The following TXNL4A variants were observed in gnomAD, a reference collection of about 807,000 sequenced individuals.
TXNL4A encodes thioredoxin like 4A, also known as thioredoxin-like protein 4A.
TXNL4A carries 17 observed loss-of-function variants against 14.6 expected under a neutral mutation model. That is an observed-to-expected ratio of 1.16 (90% CI 0.80 to 1.74). The LOEUF (loss-of-function observed/expected upper bound fraction) is 1.74, where lower values mean the gene tolerates loss of function less well. Ranked by LOEUF, TXNL4A falls within the 40% of genes most tolerant of loss-of-function variation. The pLI, the probability that TXNL4A is intolerant of heterozygous loss-of-function variation, is 0.00. For missense variants in TXNL4A, 74 were observed against 195.2 expected (o/e 0.38, Z 3.70); for synonymous variants, 83 against 70.6 (o/e 1.18, Z -0.88).
At chr18:80,025,977 G>C (rs970346821) in intron 1 of TXNL4A, among the ~76,000 whole-genome samples, 1 of 152,194 alleles carries the variant, frequency 6.6e-6, no homozygotes, top group East Asian at 1.9e-4. Flanking sequence ...CAGCAATGCT[G>C]CCAGAACCCA....
At chr18:79,990,549 T>C (rs1419783168), upstream of TXNL4A, among the ~76,000 whole-genome samples, 1 of 152,214 alleles carries the variant, frequency 6.6e-6, no homozygotes, top group Non-Finnish European at 1.5e-5. Flanking sequence ...TATTGCCTTC[T>C]AAAAAATTCC....
intron 1 of TXNL4A, among the ~76,000 whole-genome samples, chr18:79,999,488 A>C (rs1019695394): frequency 6.7e-6 from 1 of 148,754 alleles, no homozygotes; most frequent in East Asian, 2.0e-4. Flanking sequence ...GTGAGCCAAG[A>C]CTGCGCCACT....
At chr18:80,030,797 T>A (rs1189130609) in intron 1 of TXNL4A, among the ~76,000 whole-genome samples, 1 of 152,046 alleles carries the variant, frequency 6.6e-6, no homozygotes, top group Non-Finnish European at 1.5e-5. Context: ...TGAAACCCTG[T>A]CTCTACTAAA....
Position 79,982,130 on chromosome 18 carries a change from A to G in TXNL4A, c.154-4429T>C, listed in dbSNP as rs753432062. 1.3e-5 allele frequency among the ~76,000 whole-genome samples: 2 copies of G among 152,146 alleles called. No homozygotes were observed. Among genetic ancestry groups the G allele is most frequent in the Non-Finnish European group, 2.9e-5 (2 of 68,028 alleles). ...CAGTGTGGTCACGGGGTGGCAGGGA[A>G]ATATCTGTCCTTAGAGAATTCCATG... On this transcript the variant is annotated intron_variant, in intron 1 of 2. Transcript: ENST00000269601. This position sits in a 1 kb window ranked among gnomAD's most constrained non-coding sequence, Gnocchi z 4.0.
At chr18:80,002,725 T>G (rs1480322765) in intron 1 of TXNL4A, among the ~76,000 whole-genome samples, 2 of 152,210 alleles carry the variant, frequency 1.3e-5, no homozygotes, top group East Asian at 3.8e-4. Context: ...TTCCACCCCC[T>G]AATTAGAAGA....
intron 2 of TXNL4A, chr18:79,977,227 G>A: frequency 3.4e-6 from 1 of 297,970 alleles, no homozygotes; most frequent in South Asian, 4.0e-5. Context: ...AAAGTGCTGG[G>A]ATTACAGGCG....
intron 1 of TXNL4A, among the ~76,000 whole-genome samples, chr18:79,994,693 C>G (rs1344137130): frequency 6.6e-6 from 1 of 152,112 alleles, no homozygotes; most frequent in African/African-American, 2.4e-5. Flanking sequence ...ACAAACAACT[C>G]AGAACTGCCA....
chr18:79,980,758 C>G (rs983621380), intron 1 of TXNL4A, among the ~76,000 whole-genome samples: 5 of 152,104 alleles, frequency 3.3e-5, no homozygotes, highest in South Asian at 2.1e-4. Flanking sequence ...AAGGTGAGCA[C>G]ACGGCCCACT....
intron 1 of TXNL4A, among the ~76,000 whole-genome samples, chr18:79,999,834 G>A (rs2051687701): frequency 6.6e-6 from 1 of 152,166 alleles, no homozygotes; most frequent in Non-Finnish European, 1.5e-5. Flanking sequence ...TGAATCACGG[G>A]GGCAGTTTCC....
exon 1 of TXNL4A, chr18:80,033,903 C>T (rs1354381876): frequency 6.6e-6 from 1 of 150,720 alleles, no homozygotes; most frequent in African/African-American, 2.5e-5. Flanking sequence ...CTGGTAGTCG[C>T]CCACCTCGCG....
chr18:79,984,133 A>G (rs181954028), intron 1 of TXNL4A, among the ~76,000 whole-genome samples: 22 of 152,152 alleles, frequency 1.4e-4, no homozygotes, highest in Admixed American at 1.0e-3. Context: ...CACCAAAAAT[A>G]TCCATTCTGT....
rs1296831729 is a variant in TXNL4A, at chr18:79,982,781, C to A, written c.154-5080G>T. ...GATAGGAGAGGCTGAAAGAGGCAGG[C>A]AGAGGGGAGCTCCCCAGCCTCCCAC... is the stretch of plus-strand genomic sequence containing the variant. On this transcript the variant is annotated intron_variant, in intron 1 of 2. Coordinates refer to ENST00000269601, the MANE Select transcript of TXNL4A (RefSeq NM_006701.5). This position sits in a 1 kb window ranked among gnomAD's most constrained non-coding sequence, Gnocchi z 4.0. 6.6e-6 allele frequency among the ~76,000 whole-genome samples: 1 copy of A among 152,022 alleles called. No individual in the cohort carries two copies. The highest frequency in any genetic ancestry group is 1.5e-5 in the Non-Finnish European group (1 of 67,990).
intron 1 of TXNL4A, among the ~76,000 whole-genome samples, chr18:80,016,208 T>A (rs2051808299): frequency 6.6e-6 from 1 of 151,768 alleles, no homozygotes; most frequent in Admixed American, 6.5e-5. Flanking sequence ...TTGATGGGGT[T>A]GTTTGTTTTT....
chr18:79,986,186 C>T (rs572866244), intron 1 of TXNL4A, among the ~76,000 whole-genome samples: 3 of 152,004 alleles, frequency 2.0e-5, no homozygotes, highest in Non-Finnish European at 4.4e-5. Context: ...ACTACAGGCA[C>T]GTGCCACCAC....
Position 79,973,993 on chromosome 18 carries a change from T to C in TXNL4A, c.258-137A>G. ...AAGAACGCATAAAATCGAGAGTGTA[T>C]GCCATGATGCAGGAGAATACAGGAA... On this transcript the variant is annotated intron_variant, in intron 2 of 2. Transcript: ENST00000269601. 4 of 1,173,436 alleles carry C rather than the reference T, an allele frequency of 3.4e-6. No individual in the cohort carries two copies. In the South Asian group the frequency reaches 6.0e-5, roughly 18 times the overall value. The allele number at this position is 1,173,436 out of a possible 1,614,324, so 72.7% of individuals were successfully genotyped here.
intron 2 of TXNL4A, among the ~76,000 whole-genome samples, chr18:79,977,045 C>T (rs1013228833): frequency 6.6e-6 from 1 of 152,106 alleles, no homozygotes; most frequent in Non-Finnish European, 1.5e-5. Context: ...ACTGCAACCT[C>T]CACCTCCTGG....
At chr18:80,033,681 T>A (rs940434376) in intron 1 of TXNL4A, among the ~76,000 whole-genome samples, 4 of 152,186 alleles carry the variant, frequency 2.6e-5, no homozygotes, top group Non-Finnish European at 5.9e-5. Context: ...AAACAAAACG[T>A]GTTCCTAGCT....
At chr18:80,022,390 C>T (rs56173074) in intron 1 of TXNL4A, among the ~76,000 whole-genome samples, 36,946 of 152,180 alleles carry the variant, frequency 0.24, 5,816 homozygotes, top group Non-Finnish European at 0.35. Flanking sequence ...CTGTACAATG[C>T]TTACAAAGAT....
chr18:79,994,706 C>T (rs1038321735), intron 1 of TXNL4A, among the ~76,000 whole-genome samples: 30 of 152,192 alleles, frequency 2.0e-4, no homozygotes, highest in Admixed American at 1.6e-3. Context: ...AACTGCCAAT[C>T]GAGAACTCTC....
Sources: allele counts gnomAD v4.1 joint callset (sites outside exome capture counted in the v4.1 genomes callset), GRCh38; gene constraint gnomAD v4.1.1; non-coding constraint Gnocchi (gnomAD v3.1); transcripts MANE v1.5; gene names NCBI Gene and HGNC (gene_info 2026-07-23, HGNC 2026-07-21).